The following RABGAP1 variants were observed in gnomAD, a reference collection of about 807,000 sequenced individuals.
RABGAP1 encodes the protein rab GTPase-activating protein 1.
Under a neutral mutation model 137.6 loss-of-function variants are expected in RABGAP1, and 23 were observed. The observed-to-expected ratio is 0.17, with a 90% confidence interval of 0.12 to 0.24. RABGAP1 has a LOEUF of 0.24. Ranked by LOEUF, RABGAP1 falls within the 10% of genes least tolerant of loss-of-function variation. The pLI, the probability that RABGAP1 is intolerant of heterozygous loss-of-function variation, is 1.00. For missense variants in RABGAP1, 906 were observed against 1,275.8 expected (o/e 0.71, Z 4.42); for synonymous variants, 451 against 450.7 (o/e 1.00, Z -0.01).
At chr9:123,061,366 C>T (rs1012292892) in intron 13 of RABGAP1, among the ~76,000 whole-genome samples, 19 of 152,314 alleles carry the variant, frequency 1.2e-4, no homozygotes, top group African/African-American at 3.8e-4. Context: ...TTACTCGCCT[C>T]GGCCTCCCAA....
Position 122,990,224 on chromosome 9 carries a change from T to C in RABGAP1, c.923+11T>C. The C allele has an allele frequency of 6.3e-7, 1 of 1,581,526 alleles. No homozygotes were observed. ...TAAAGGTTATTTTAGGTAGGGAATC[T>C]TATTTTATTCATGTATTAACATGCT... On this transcript the variant is annotated intron_variant, in intron 6 of 25. Transcript: ENST00000373647.
chr9:123,102,114 T>C (rs1379065793), intron 25 of RABGAP1, among the ~76,000 whole-genome samples: 2 of 152,200 alleles, frequency 1.3e-5, no homozygotes, highest in Admixed American at 6.5e-5. Flanking sequence ...ATGGAAATGA[T>C]GAGAGTCCCT....
In RABGAP1 at chr9:123,059,337, G is replaced by A. The variant is rs553559956; in HGVS notation, c.1795-6011G>A. Among the ~76,000 whole-genome samples, 17 of 152,140 alleles carry A rather than the reference G, an allele frequency of 1.1e-4. No homozygotes were observed. In the East Asian group the frequency reaches 1.7e-3, roughly 16 times the overall value. ...TGGGAGGCCGAGGCGGGCGGATCAC[G>A]AGGTCAGGAGATCGAGACCATCCTG... is the stretch of plus-strand genomic sequence containing the variant. On this transcript the variant is annotated intron_variant, in intron 13 of 25. Transcript: ENST00000373647.
At chr9:123,054,976 C>A (rs567037236) in intron 13 of RABGAP1, among the ~76,000 whole-genome samples, 1 of 152,230 alleles carries the variant, frequency 6.6e-6, no homozygotes, top group Non-Finnish European at 1.5e-5. Flanking sequence ...CATAAAGTTT[C>A]TTTTCTCCAC....
chr9:122,996,326 A>C (rs775623286), intron 7 of RABGAP1, 175 bp downstream of exon 7: 74 of 1,228,238 alleles, frequency 6.0e-5, no homozygotes, highest in Admixed American at 1.2e-4. Context: ...ATAAATAATC[A>C]GCTAATACGC....
chr9:122,997,084 C>T, intron 8 of RABGAP1, 175 bp from the exon 9 acceptor site: 2 of 594,204 alleles, frequency 3.4e-6, no homozygotes, highest in South Asian at 4.2e-5. Flanking sequence ...AACTTCAGGA[C>T]AGTTGCATAA....
rs536275506 is a variant in RABGAP1 at position 123,016,193 on chromosome 9, A to G, written c.1643+557A>G. Among the ~76,000 whole-genome samples the G allele has an allele frequency of 7.7e-4, 118 of 152,326 alleles. 1 individual carries two copies. Among genetic ancestry groups the G allele is most frequent in the Admixed American group, 1.7e-3 (26 of 15,296 alleles). On this transcript the variant is annotated intron_variant, in intron 12 of 25. Coordinates refer to ENST00000373647, the MANE Select transcript of RABGAP1 (RefSeq NM_012197.4). ...CAGCAGTGTTAAGAAGCACTATCCT[A>G]TAGGCTATCTAAAAAGAATACATTG... is the stretch of plus-strand genomic sequence containing the variant.
chr9:122,986,196 TATTC>T lies in RABGAP1; in HGVS notation c.386-15_386-12del, dbSNP rs1836361175. On this transcript the variant is annotated splice_polypyrimidine_tract_variant and intron_variant, in intron 3 of 25. Transcript: ENST00000373647. ...ATCAAAGTGAAAGTAATCACTTCCT[TATTC>T]ATTGTTTCTTTCAGATTCTGAAGCT... The T allele has an allele frequency of 1.9e-6, 3 of 1,603,070 alleles. No individual in the cohort carries two copies. Among genetic ancestry groups the T allele is most frequent in the Non-Finnish European group, 2.6e-6 (3 of 1,170,850 alleles).
intron 23 of RABGAP1, among the ~76,000 whole-genome samples, chr9:123,099,184 G>C (rs568242944): frequency 5.3e-5 from 8 of 152,166 alleles, no homozygotes; most frequent in Non-Finnish European, 1.0e-4. Flanking sequence ...GAATGGTCTT[G>C]TTCCCTCCTA....
At chr9:123,057,072 C>T (rs1345491286) in intron 13 of RABGAP1, among the ~76,000 whole-genome samples, 248 of 151,314 alleles carry the variant, frequency 1.6e-3, no homozygotes, top group African/African-American at 5.3e-3. Context: ...GCGCCCCTCA[C>T]CTCCCGGACG....
chr9:123,019,253 G>A (rs530152079), intron 12 of RABGAP1, among the ~76,000 whole-genome samples: 92 of 152,260 alleles, frequency 6.0e-4, no homozygotes, highest in African/African-American at 2.2e-3. Context: ...TTGAAGGAAA[G>A]CATCATAAAA....
At chr9:123,063,187 T>G (rs977061679) in intron 13 of RABGAP1, 2 of 152,678 alleles carry the variant, frequency 1.3e-5, no homozygotes, top group Non-Finnish European at 2.9e-5. Context: ...ATTTTGAACG[T>G]TTCCATATTC....
the RABGAP1 span, among the ~76,000 whole-genome samples, chr9:122,934,138 C>T: frequency 2.2e-5 from 3 of 136,628 alleles, no homozygotes; most frequent in East Asian, 2.0e-4. Flanking sequence ...AGTGCAGTGG[C>T]GTGATCTCGG....
chr9:122,957,947 A>ATC (rs556253180), intron 2 of RABGAP1, among the ~76,000 whole-genome samples: 17 of 149,928 alleles, frequency 1.1e-4, no homozygotes, highest in Non-Finnish European at 1.5e-4. Flanking sequence ...GCTCAACAGC[A>ATC]TCTCTCTCTC....
intron 1 of RABGAP1, among the ~76,000 whole-genome samples, chr9:122,946,611 C>G (rs898627515): frequency 1.3e-5 from 2 of 152,094 alleles, no homozygotes; most frequent in African/African-American, 4.8e-5. Context: ...GCTGACTTTC[C>G]CTGTGTTCCC....
chr9:122,973,839 A>T (rs1483149851), intron 2 of RABGAP1, among the ~76,000 whole-genome samples: 1 of 151,728 alleles, frequency 6.6e-6, no homozygotes, highest in Non-Finnish European at 1.5e-5. Flanking sequence ...GCAAAACCCC[A>T]TCTCTACTAA....
chr9:123,002,867 A>G (rs1180374333), intron 10 of RABGAP1, among the ~76,000 whole-genome samples: 5 of 152,310 alleles, frequency 3.3e-5, no homozygotes, highest in African/African-American at 1.2e-4. Context: ...AAGGCTACAA[A>G]CTAAACTTAA....
intron 24 of RABGAP1, among the ~76,000 whole-genome samples, chr9:123,099,947 T>C (rs2035292138): frequency 6.6e-6 from 1 of 152,224 alleles, no homozygotes; most frequent in African/African-American, 2.4e-5. Flanking sequence ...TCATGCCTTC[T>C]GCTGTAACAC....
chr9:123,037,133 G>T (rs940808016), intron 13 of RABGAP1, among the ~76,000 whole-genome samples: 1 of 152,078 alleles, frequency 6.6e-6, no homozygotes, highest in Non-Finnish European at 1.5e-5. Context: ...GATGGAAGAT[G>T]GAAGAAACCC....
Sources: gnomAD v4.1 joint callset for allele counts (sites outside exome capture counted in the v4.1 genomes callset) on GRCh38, gnomAD v4.1.1 for gene constraint, MANE v1.5 for transcripts, NCBI Gene and HGNC (gene_info 2026-07-23, HGNC 2026-07-21) for gene names.